GMPS: variants seen among roughly 807,000 people sequenced by gnomAD.
GMPS encodes the protein GMP synthase [glutamine-hydrolyzing].
In GMPS, 15 loss-of-function variants were observed where a neutral mutation model predicts 77.9. The observed-to-expected ratio is 0.19, with a 90% CI of 0.13 to 0.30. GMPS has a LOEUF of 0.30. Ranked by LOEUF, GMPS falls within the 10% of genes least tolerant of loss-of-function variation. GMPS has a pLI of 1.00. For synonymous variants in GMPS, 224 were observed against 275.9 expected, an observed-to-expected ratio of 0.81 and a Z score of 1.86; for missense variants, 590 against 838.8, an observed-to-expected ratio of 0.70 and a Z score of 3.66.
chr3:155,870,968 C>CG, intron 1 of GMPS, 71 bp downstream of exon 1: 1 of 1,345,214 alleles, frequency 7.4e-7, no homozygotes, highest in Non-Finnish European at 9.6e-7. Context: ...AGCCACCCCG[C>CG]GAGGCCCTTC....
At chr3:155,901,643 A>C (rs942019493) in intron 3 of GMPS, among the ~76,000 whole-genome samples, 2 of 151,714 alleles carry the variant, frequency 1.3e-5, no homozygotes, top group Non-Finnish European at 2.9e-5. Context: ...CCAACCCTTG[A>C]CATGATTAGA....
Position 155,902,359 on chromosome 3 carries a change from A to G in GMPS, c.325-1504A>G, listed in dbSNP as rs1026308412. Among the ~76,000 whole-genome samples, 6 of 152,366 alleles carry G rather than the reference A, an allele frequency of 3.9e-5. No homozygotes were observed. The South Asian group carries it at 8.3e-4, about 21-fold the overall frequency. On this transcript the variant is annotated intron_variant, in intron 3 of 15. Transcript: ENST00000496455. ...ACCAGGCATCAGTAAGCTATGGCCT[A>G]TAGACCAAATCTGGCCTACCACCTG...
chr3:155,930,602 A>G (rs1252993311), intron 12 of GMPS, among the ~76,000 whole-genome samples: 1 of 152,156 alleles, frequency 6.6e-6, no homozygotes, highest in Non-Finnish European at 1.5e-5. Flanking sequence ...AATTTTCGCA[A>G]CCTACTTATC....
rs187570138 is a variant in GMPS, at chr3:155,874,485, A to T, written c.27+3588A>T. On this transcript the variant is annotated intron_variant, in intron 1 of 15. Transcript: ENST00000496455. ...TTTATCTGGGATGTACTGAGAATTA[A>T]ACAACTATATCACCTTTTGTCACAA... Among the ~76,000 whole-genome samples the T allele has an allele frequency of 3.3e-4, 51 of 152,352 alleles. No homozygotes were observed. In the East Asian group the frequency reaches 8.9e-3, roughly 27 times the overall value.
Position 155,914,454 on chromosome 3 carries a change from A to G in GMPS, c.922A>G (p.Thr308Ala). 2 of 1,591,452 alleles carry G rather than the reference A, an allele frequency of 1.3e-6. No individual in the cohort carries two copies. Among genetic ancestry groups the G allele is most frequent in the Non-Finnish European group, 1.7e-6 (2 of 1,172,594 alleles). Reference sequence around the variant, plus strand: ...TGCTCATTCTTTCTACAATGGAACAACAACCCTACCAATATCAGATGAAGA... The same window carrying G: ...TGCTCATTCTTTCTACAATGGAACAGCAACCCTACCAATATCAGATGAAGA... ...NAAHSFYNGT[T>A]TLPISDEDRT... The change falls in exon 8 of 16, where the codon ACA becomes GCA. Residue 308 changes from threonine to alanine, a missense_variant. By Grantham distance (58) the Thr-to-Ala change is moderately conservative (BLOSUM62 0). Coordinates refer to ENST00000496455, the MANE Select transcript of GMPS (RefSeq NM_003875.3).
At chr3:155,908,805 A>G (rs547624449) in intron 5 of GMPS, among the ~76,000 whole-genome samples, 4 of 152,218 alleles carry the variant, frequency 2.6e-5, no homozygotes, top group Non-Finnish European at 4.4e-5. Flanking sequence ...AAAGGTGCTG[A>G]GTAGGCAGTT....
intron 1 of GMPS, among the ~76,000 whole-genome samples, chr3:155,871,547 G>A (rs929280646): frequency 1.3e-5 from 2 of 152,076 alleles, no homozygotes; most frequent in Non-Finnish European, 2.9e-5. Context: ...GCCCGCGTGA[G>A]GGCTGGTGGC....
rs1218714191 is a variant in GMPS, at chr3:155,870,885, C to T, written c.15C>T (p.Asn5=). The change falls in exon 1 of 16, where the codon AAC becomes AAT. Residue 5 remains asparagine (N), a synonymous_variant. Coordinates refer to ENST00000496455, the MANE Select transcript of GMPS (RefSeq NM_003875.3). MALC[N]GDSKLENAGG... is the part of the protein sequence containing the mutation. Reference sequence around the variant, plus strand: ...CCCTGGCCCCGATGGCTCTGTGCAACGGAGACTCCAAGGTCAGCGTGGGGG... The same window carrying T: ...CCCTGGCCCCGATGGCTCTGTGCAATGGAGACTCCAAGGTCAGCGTGGGGG... 6.6e-6 allele frequency: 10 copies of T among 1,507,592 alleles called. No individual in the cohort carries two copies. The highest frequency in any genetic ancestry group is 8.8e-6 in the Non-Finnish European group (10 of 1,131,628). 93.4% of individuals were successfully genotyped at this position (1,507,592 alleles called of 1,614,324 possible). A position where few individuals can be genotyped will look rare whatever the true frequency, so the allele number is the denominator to read the frequency against.
intron 2 of GMPS, among the ~76,000 whole-genome samples, chr3:155,895,860 A>G (rs538048034): frequency 6.6e-6 from 1 of 152,296 alleles, no homozygotes; most frequent in East Asian, 1.9e-4. Context: ...AGAATCTTAT[A>G]TCCTAGAGTT....
At chr3:155,916,242 C>G in intron 9 of GMPS, 50 bp downstream of exon 9, 1 of 1,110,654 alleles carries the variant, frequency 9.0e-7, no homozygotes. Context: ...GGAAAGTCTT[C>G]CATTCTTCCC....
Position 155,939,799 on chromosome 3 carries a change from T to G in GMPS, c.*2107T>G, listed in dbSNP as rs572878212. On this transcript the variant is annotated 3_prime_UTR_variant, in exon 16 of 16. Transcript: ENST00000496455. The stretch of plus-strand genomic sequence containing the variant: ...CTAATATTTAGCACACTGTCTTCTT[T>G]TGCACAGCACTTTTTGCTTTGTGCC... The G allele has an allele frequency of 1.5e-5, 3 of 198,980 alleles. No individual in the cohort carries two copies. The East Asian group carries it at 2.3e-4, about 15-fold the overall frequency. The allele number at this position is 198,980 out of a possible 1,614,324, so 12.3% of individuals were successfully genotyped here. A position where few individuals can be genotyped will look rare whatever the true frequency, so the allele number is the denominator to read the frequency against.
chr3:155,895,821 A>G (rs567568917), intron 2 of GMPS, among the ~76,000 whole-genome samples: 1 of 152,276 alleles, frequency 6.6e-6, no homozygotes, highest in East Asian at 1.9e-4. Context: ...AACTAAGTCC[A>G]TGACTTTTTT....
At chr3:155,914,384 A>T in intron 7 of GMPS, 35 bp from the exon 8 acceptor site, 1 of 1,444,380 alleles carries the variant, frequency 6.9e-7, no homozygotes, top group South Asian at 1.5e-5. Context: ...AAAACATGTT[A>T]TACCAATTTA....
chr3:155,895,210 T>C (rs1000420144), intron 2 of GMPS, among the ~76,000 whole-genome samples: 7 of 152,224 alleles, frequency 4.6e-5, no homozygotes, highest in African/African-American at 1.7e-4. Context: ...GTGGCTTTTA[T>C]TACTGTAATC....
Position 155,911,141 on chromosome 3 carries a change from A to G in GMPS, c.748A>G (p.Thr250Ala), listed in dbSNP as rs761868442. 1.9e-6 allele frequency: 3 copies of G among 1,612,008 alleles called. No homozygotes were observed. ...TTTACTCAGTGGTGGAGTAGACTCA[A>G]CAGTTTGTACAGCTTTGCTAAATCG... Reference protein sequence around the residue: ...LVLLSGGVDSTVCTALLNRAL... With the variant: ...LVLLSGGVDSAVCTALLNRAL... The change falls in exon 7 of 16, where the codon ACA (threonine) becomes GCA (alanine). Residue 250 changes from threonine (T) to alanine (A), a missense_variant. Physicochemically the swap from Thr to Ala is moderately conservative, Grantham distance 58. Around this residue, in one of 6 missense-constraint regions of GMPS, gnomAD observed 181 missense variants for 186.8 expected, o/e 0.97. Transcript: ENST00000496455.
In GMPS at chr3:155,911,173, G is replaced by C; in HGVS notation, c.780G>C (p.Leu260Phe). 6.2e-7 allele frequency: 1 copy of C among 1,613,034 alleles called. No individual in the cohort carries two copies. Among genetic ancestry groups the C allele is most frequent in the Non-Finnish European group, 8.5e-7 (1 of 1,179,146 alleles). ...TVCTALLNRA[L>F]NQEQVIAVHI... ...GTACAGCTTTGCTAAATCGTGCTTT[G>C]AACCAAGAACAAGTCATTGCTGTGC... The change falls in exon 7 of 16, where the codon TTG (leucine) becomes TTC (phenylalanine). Residue 260 changes from leucine to phenylalanine, a missense_variant. Coordinates refer to ENST00000496455, the MANE Select transcript of GMPS (RefSeq NM_003875.3).
rs1755948052 is a variant in GMPS at position 155,943,683 on chromosome 3, C to G, written c.*5991C>G. ...AATAGCTTTGCTAAATGTGAAATGA[C>G]TTTAATCCCTTTTGTCTTCAATATA... On this transcript the variant is annotated 3_prime_UTR_variant, in exon 16 of 16. Transcript: ENST00000496455. The G allele has an allele frequency of 1.2e-5, 2 of 173,128 alleles. No individual in the cohort carries two copies. The highest frequency in any genetic ancestry group is 4.8e-5 in the African/African-American group (2 of 42,064). 10.7% of individuals were successfully genotyped at this position (173,128 alleles called of 1,614,324 possible).
intron 1 of GMPS, among the ~76,000 whole-genome samples, chr3:155,892,341 A>T (rs1472616186): frequency 6.6e-6 from 1 of 152,170 alleles, no homozygotes; most frequent in African/African-American, 2.4e-5. Flanking sequence ...GCGTTTCTTT[A>T]TGTAAAATTT....
intron 1 of GMPS, among the ~76,000 whole-genome samples, chr3:155,871,293 C>T (rs958234812): frequency 6.6e-6 from 1 of 152,072 alleles, no homozygotes. Flanking sequence ...CCCCGTCCCT[C>T]TGGGAGGCTG....
Sources: allele counts gnomAD v4.1 joint callset (sites outside exome capture counted in the v4.1 genomes callset), GRCh38; gene constraint gnomAD v4.1.1; regional missense constraint gnomAD v4.1.1; transcripts MANE v1.5; gene names NCBI Gene and HGNC (gene_info 2026-07-23, HGNC 2026-07-21).